HEG1: variants seen among roughly 807,000 people sequenced by gnomAD.
HEG1 encodes the protein protein HEG homolog 1.
In HEG1, 56 loss-of-function variants were observed where a neutral mutation model predicts 125.6. That is an observed-to-expected ratio of 0.45 (90% CI 0.36 to 0.56). The LOEUF is 0.56. Among genes scored for constraint, HEG1 ranks in the 20% least tolerant of loss-of-function variants. The pLI is 0.00. For synonymous variants in HEG1, 644 were observed against 668.5 expected, an observed-to-expected ratio of 0.96 and a Z score of 0.57; for missense variants, 1,523 against 1,670.0, an observed-to-expected ratio of 0.91 and a Z score of 1.53.
intron 1 of HEG1, among the ~76,000 whole-genome samples, chr3:125,039,274 C>T (rs544760202): frequency 1.3e-5 from 2 of 152,126 alleles, no homozygotes; most frequent in African/African-American, 4.8e-5. Context: ...GATGCTAGCA[C>T]AGCCCAAGAA....
chr3:124,979,700 G>A (rs144515547), intron 14 of HEG1, among the ~76,000 whole-genome samples: 34 of 152,226 alleles, frequency 2.2e-4, no homozygotes, highest in Non-Finnish European at 3.4e-4. Flanking sequence ...TTGGGAGGCC[G>A]AGGCAGGCAG....
chr3:125,034,026 G>C (rs1269449783), intron 1 of HEG1, among the ~76,000 whole-genome samples: 1 of 117,322 alleles, frequency 8.5e-6, no homozygotes. Flanking sequence ...GTGCCAAAAA[G>C]GTTGGGGACC....
chr3:125,050,128 C>T (rs1406777535), intron 1 of HEG1, among the ~76,000 whole-genome samples: 1 of 146,960 alleles, frequency 6.8e-6, no homozygotes, highest in African/African-American at 2.5e-5. Flanking sequence ...GGATGCCATT[C>T]ATCCACCAAC....
intron 3 of HEG1, among the ~76,000 whole-genome samples, chr3:125,023,052 G>A (rs772089877): frequency 5.3e-5 from 8 of 152,114 alleles, no homozygotes; most frequent in Non-Finnish European, 1.2e-4. Context: ...AAATTAGCCG[G>A]CTGTGGTGGT....
intron 3 of HEG1, among the ~76,000 whole-genome samples, chr3:125,022,532 A>T (rs1440952646): frequency 1.3e-5 from 2 of 152,134 alleles, no homozygotes; most frequent in African/African-American, 2.4e-5. Flanking sequence ...TAATGGAGAC[A>T]AAATGAAGAT....
At position 124,970,308 on chromosome 3, in the gene HEG1, G is replaced by A. The variant is rs1936401988; in HGVS notation, c.*344C>T. ...GAAACCTCCCACCCAATTTACTAAAGTGCAAACGAAGGGAAAACCAGGTCC... is the reference window on the plus strand; with the variant it reads ...GAAACCTCCCACCCAATTTACTAAAATGCAAACGAAGGGAAAACCAGGTCC... On this transcript the variant is annotated 3_prime_UTR_variant, in exon 17 of 17. Coordinates refer to ENST00000311127, the MANE Select transcript of HEG1 (RefSeq NM_020733.2). The A allele has an allele frequency of 5.0e-6, 1 of 198,052 alleles. No individual in the cohort carries two copies. The highest frequency in any genetic ancestry group is 2.3e-5 in the African/African-American group (1 of 43,210). 12.3% of individuals were successfully genotyped at this position (198,052 alleles called of 1,614,324 possible).
At position 124,991,032 on chromosome 3, in the gene HEG1, C is replaced by A. The variant is rs776394471; in HGVS notation, c.3653-46G>T. On this transcript the variant is annotated intron_variant, in intron 12 of 16. Transcript: ENST00000311127. The stretch of plus-strand genomic sequence containing the variant: ...GCATGAGTGTGTCTATTTACCTCTC[C>A]CAAACTCCCAGTTAATTAAACGCCA... The A allele has an allele frequency of 1.5e-5, 22 of 1,452,746 alleles. No individual in the cohort carries two copies. In the Middle Eastern group the frequency reaches 8.5e-4, roughly 56 times the overall value. 90.0% of individuals were successfully genotyped at this position (1,452,746 alleles called of 1,614,324 possible).
intron 11 of HEG1, among the ~76,000 whole-genome samples, chr3:125,000,671 G>A (rs563074620): frequency 6.6e-6 from 1 of 152,002 alleles, no homozygotes; most frequent in Non-Finnish European, 1.5e-5. Context: ...AGAATGAAGG[G>A]CTAACAATCT....
chr3:125,028,195 C>A (rs1230610407), intron 2 of HEG1, among the ~76,000 whole-genome samples: 1 of 152,238 alleles, frequency 6.6e-6, no homozygotes, highest in Admixed American at 6.5e-5. Context: ...CATCCTCCTA[C>A]CCCCATGCTA....
rs2107686720 is a variant in HEG1 at position 124,976,484 on chromosome 3, G to A, written c.3821+1375C>T. On this transcript the variant is annotated intron_variant, in intron 15 of 16. Coordinates refer to ENST00000311127, the MANE Select transcript of HEG1 (RefSeq NM_020733.2). ...ATTACAGGCTGAGCCACTGTGCCCA[G>A]CAGCTATTTTCTATTTTTTTTTTTT... is the stretch of plus-strand genomic sequence containing the variant. Among the ~76,000 whole-genome samples, 3 of 148,372 alleles carry A rather than the reference G, an allele frequency of 2.0e-5. No homozygotes were observed. The Middle Eastern group carries it at 0.01, about 512-fold the overall frequency.
chr3:125,007,115 C>T (rs1018359120), intron 8 of HEG1, among the ~76,000 whole-genome samples: 13 of 145,410 alleles, frequency 8.9e-5, no homozygotes, highest in Admixed American at 7.7e-4. Context: ...AGGAGAATGG[C>T]GTGAACCCGG....
intron 1 of HEG1, among the ~76,000 whole-genome samples, chr3:125,042,446 A>T (rs890851324): frequency 5.3e-5 from 8 of 152,040 alleles, no homozygotes; most frequent in African/African-American, 1.4e-4. Flanking sequence ...ATAAAAAAAT[A>T]AAAAAGTATG....
At chr3:125,038,972 G>A (rs537577879) in intron 1 of HEG1, among the ~76,000 whole-genome samples, 30 of 152,272 alleles carry the variant, frequency 2.0e-4, no homozygotes, top group African/African-American at 7.0e-4. Context: ...GGCCAGCTTC[G>A]CAGATGGTCA....
intron 11 of HEG1, among the ~76,000 whole-genome samples, chr3:125,001,391 A>G (rs1936997089): frequency 6.6e-6 from 1 of 152,098 alleles, no homozygotes; most frequent in East Asian, 1.9e-4. Context: ...GCTTAAGGGT[A>G]CCTCAGCCTC....
intron 12 of HEG1, among the ~76,000 whole-genome samples, chr3:124,992,856 G>T (rs1242626540): frequency 6.6e-6 from 1 of 152,222 alleles, no homozygotes; most frequent in South Asian, 2.1e-4. Flanking sequence ...TGTGCACCTG[G>T]ACAGCACTGT....
chr3:124,977,863 A>G lies in HEG1; in HGVS notation c.3817T>C (p.Cys1273Arg). Residue 1273 changes from cysteine (C) to arginine (R), a missense_variant, in exon 15 of 17, where the codon TGC (cysteine) becomes CGC (arginine). Transcript: ENST00000311127. The stretch of plus-strand genomic sequence containing the variant: ...ACCTGAACTCTCATCACTTACCTGC[A>G]ACAGGTAACAATCAGTGCGATGCCT... ...ILGIALIVTC[C>R]RKNKNDISKL... The G allele has an allele frequency of 1.3e-6, 2 of 1,561,090 alleles. No homozygotes were observed. The highest frequency in any genetic ancestry group is 1.7e-6 in the Non-Finnish European group (2 of 1,150,424).
intron 12 of HEG1, among the ~76,000 whole-genome samples, chr3:124,993,099 G>C (rs1399920301): frequency 6.6e-6 from 1 of 152,092 alleles, no homozygotes; most frequent in African/African-American, 2.4e-5. Flanking sequence ...TTATTTTAGG[G>C]ACCCTGACTC....
rs765291204 is a variant in HEG1 at position 124,970,620 on chromosome 3, C to T, written c.*32G>A. ...CTGAGCAGAGGTCCCAGGTGACTGG[C>T]TCAGAGCAATGAGTCCCTCTCTCTC... On this transcript the variant is annotated 3_prime_UTR_variant, in exon 17 of 17. Coordinates refer to ENST00000311127, the MANE Select transcript of HEG1 (RefSeq NM_020733.2). 4.5e-6 allele frequency: 7 copies of T among 1,572,826 alleles called. No individual in the cohort carries two copies. The South Asian group carries it at 7.0e-5, about 16-fold the overall frequency.
At chr3:124,991,765 C>CA (rs1021907278) in intron 12 of HEG1, among the ~76,000 whole-genome samples, 1 of 152,200 alleles carries the variant, frequency 6.6e-6, no homozygotes, top group African/African-American at 2.4e-5. Flanking sequence ...GGGCCCGCCA[C>CA]AAAGCCTGGC....
Sources: allele counts gnomAD v4.1 joint callset (sites outside exome capture counted in the v4.1 genomes callset), GRCh38; gene constraint gnomAD v4.1.1; transcripts MANE v1.5; gene names NCBI Gene and HGNC (gene_info 2026-07-23, HGNC 2026-07-21).